The following MYO3A variants were observed in gnomAD, a reference collection of about 807,000 sequenced individuals.
The protein encoded by MYO3A is myosin-IIIa.
MYO3A carries 180 observed loss-of-function variants against 192.7 expected under a neutral mutation model. The observed-to-expected ratio is 0.93, with a 90% CI of 0.83 to 1.06. The LOEUF (loss-of-function observed/expected upper bound fraction) is 1.06, where lower values mean the gene tolerates loss of function less well. Ranked by LOEUF, MYO3A falls within the 50% of genes least tolerant of loss-of-function variation. MYO3A has a pLI of 0.00. For missense variants in MYO3A, 1,896 were observed against 1,905.0 expected, an observed-to-expected ratio of 1.00 and a Z score of 0.09; for synonymous variants, 628 against 645.3, an observed-to-expected ratio of 0.97 and a Z score of 0.41.
rs145571050 is a variant in MYO3A, at chr10:26,082,465, C to G, written c.1360-5738C>G. Reference sequence around the variant, plus strand: ...GATTTTATTGAGTTATTACTTCTAACAGTTATTTTTTTGGGATATTTGGGG... The same window carrying G: ...GATTTTATTGAGTTATTACTTCTAAGAGTTATTTTTTTGGGATATTTGGGG... On this transcript the variant is annotated intron_variant, in intron 14 of 34. Transcript: ENST00000642920. 7.7e-3 allele frequency among the ~76,000 whole-genome samples: 1,174 copies of G among 152,164 alleles called. 8 individuals are homozygous for G. The highest frequency in any genetic ancestry group is 0.012 in the Non-Finnish European group (807 of 67,990).
At chr10:26,039,114 C>G (rs541999461) in intron 10 of MYO3A, among the ~76,000 whole-genome samples, 32 of 151,946 alleles carry the variant, frequency 2.1e-4, no homozygotes, top group African/African-American at 7.7e-4. Context: ...GATCTCGGCT[C>G]ACCACAACCT....
At chr10:26,199,011 G>A (rs1843549670) in intron 32 of MYO3A, among the ~76,000 whole-genome samples, 1 of 152,160 alleles carries the variant, frequency 6.6e-6, no homozygotes, top group South Asian at 2.1e-4. Context: ...CACCTTTGAG[G>A]AGTGATATGC....
chr10:26,047,676 G>A (rs545076298), intron 10 of MYO3A, among the ~76,000 whole-genome samples: 1 of 152,198 alleles, frequency 6.6e-6, no homozygotes, highest in East Asian at 1.9e-4. Flanking sequence ...TCTGGAGGCT[G>A]AGGCAGGAGA....
At chr10:26,001,513 C>T (rs1043757584) in intron 6 of MYO3A, among the ~76,000 whole-genome samples, 2 of 152,164 alleles carry the variant, frequency 1.3e-5, no homozygotes, top group Admixed American at 1.3e-4. Context: ...CAGGAGGAGC[C>T]ACAGGAAGTG....
rs563484386 is a variant in MYO3A at position 25,983,503 on chromosome 10, C to T, written c.304-12987C>T. ...CGATCTCCTGACCTTGTGATCCACC[C>T]GCCTCGGCCTCCCAAAGTGCTGGGA... On this transcript the variant is annotated intron_variant, in intron 4 of 34. Transcript: ENST00000642920. Among the ~76,000 whole-genome samples, 9 of 152,168 alleles carry T rather than the reference C, an allele frequency of 5.9e-5. No homozygotes were observed. In the South Asian group the frequency reaches 8.3e-4, roughly 14 times the overall value.
intron 4 of MYO3A, among the ~76,000 whole-genome samples, chr10:25,977,472 T>C (rs1158860578): frequency 6.6e-6 from 1 of 152,124 alleles, no homozygotes; most frequent in African/African-American, 2.4e-5. Context: ...GTGGTTTCCC[T>C]AACAGCAGAT....
chr10:26,138,913 C>G (rs954400361), intron 20 of MYO3A, among the ~76,000 whole-genome samples: 5 of 152,210 alleles, frequency 3.3e-5, no homozygotes, highest in Admixed American at 1.3e-4. Flanking sequence ...CAAACATCAA[C>G]CTGACACCAA....
At chr10:26,195,772 A>G (rs1266100861) in intron 32 of MYO3A, among the ~76,000 whole-genome samples, 1 of 152,176 alleles carries the variant, frequency 6.6e-6, no homozygotes, top group Admixed American at 6.5e-5. Context: ...CTTTTTCTTC[A>G]GGAAACCTTC....
At chr10:26,014,053 A>G (rs10828937) in intron 6 of MYO3A, among the ~76,000 whole-genome samples, 7,967 of 152,156 alleles carry the variant, frequency 0.052, 708 homozygotes, top group African/African-American at 0.17. Flanking sequence ...ATTATCACTT[A>G]TAAGTGGGAG....
intron 15 of MYO3A, among the ~76,000 whole-genome samples, chr10:26,092,336 G>A (rs1196717724): frequency 6.6e-6 from 1 of 151,998 alleles, no homozygotes; most frequent in East Asian, 1.9e-4. Flanking sequence ...TGTGGTGGCA[G>A]GCGCCTGTAG....
At chr10:26,009,159 T>C (rs1234729232) in intron 6 of MYO3A, among the ~76,000 whole-genome samples, 2 of 146,600 alleles carry the variant, frequency 1.4e-5, no homozygotes, top group South Asian at 4.2e-4. Flanking sequence ...TTCTCACTCA[T>C]AGGTGGGAAT....
intron 31 of MYO3A, among the ~76,000 whole-genome samples, chr10:26,177,504 C>A (rs1211185145): frequency 6.6e-6 from 1 of 152,166 alleles, no homozygotes; most frequent in Non-Finnish European, 1.5e-5. Context: ...TGGCTGCTCC[C>A]ACACCCTGCA....
At chr10:26,139,462 C>T (rs1009342578) in intron 20 of MYO3A, among the ~76,000 whole-genome samples, 44 of 152,180 alleles carry the variant, frequency 2.9e-4, no homozygotes, top group Admixed American at 2.6e-3. Context: ...TGGTCTTGAA[C>T]TCCTGACCTC....
intron 6 of MYO3A, among the ~76,000 whole-genome samples, 178 bp from the exon 7 acceptor site, chr10:26,016,642 A>G (rs530741524): frequency 2.6e-5 from 4 of 152,312 alleles, no homozygotes; most frequent in Admixed American, 1.3e-4. Context: ...TAGGAGCACC[A>G]TTCTGGTTTT....
At chr10:26,184,514 G>A (rs1276180281) in intron 31 of MYO3A, among the ~76,000 whole-genome samples, 1 of 152,172 alleles carries the variant, frequency 6.6e-6, no homozygotes, top group Non-Finnish European at 1.5e-5. Flanking sequence ...AAGTAAAACA[G>A]TGTAATTATC....
intron 7 of MYO3A, among the ~76,000 whole-genome samples, chr10:26,019,260 T>C (rs1842161138): frequency 7.8e-6 from 1 of 128,312 alleles, no homozygotes; most frequent in Non-Finnish European, 1.8e-5. Flanking sequence ...TATTTATTTA[T>C]TTATTTATTT....
chr10:26,098,097 A>G (rs1409013033), intron 17 of MYO3A, among the ~76,000 whole-genome samples: 1 of 152,098 alleles, frequency 6.6e-6, no homozygotes, highest in Non-Finnish European at 1.5e-5. Flanking sequence ...TGACTTTTTA[A>G]TGATCACCAT....
chr10:26,163,426 T>C (rs976789408), intron 26 of MYO3A, among the ~76,000 whole-genome samples: 1 of 151,976 alleles, frequency 6.6e-6, no homozygotes, highest in Non-Finnish European at 1.5e-5. Flanking sequence ...GGAGTGACAG[T>C]GGAGGTAACT....
At chr10:26,044,807 T>C (rs1481522630) in intron 10 of MYO3A, among the ~76,000 whole-genome samples, 1 of 152,210 alleles carries the variant, frequency 6.6e-6, no homozygotes, top group East Asian at 1.9e-4. Flanking sequence ...GAAAGCTGTT[T>C]CACTCAACCT....
Sources: gnomAD v4.1 joint callset for allele counts (sites outside exome capture counted in the v4.1 genomes callset) on GRCh38, gnomAD v4.1.1 for gene constraint, MANE v1.5 for transcripts, NCBI Gene and HGNC (gene_info 2026-07-23, HGNC 2026-07-21) for gene names.